The following CTNNA2 variants were observed in gnomAD, a reference collection of about 807,000 sequenced individuals.
CTNNA2 encodes the protein catenin alpha-2.
CTNNA2 carries 42 observed loss-of-function variants against 101.0 expected under a neutral mutation model. The ratio of observed to expected loss-of-function variants is 0.42; its 90% confidence interval spans 0.32 to 0.54. The LOEUF is 0.54. CTNNA2 is among the 20% of genes least tolerant of loss of function. The pLI is 0.14. For missense variants in CTNNA2, 871 were observed against 1,223.1 expected, an observed-to-expected ratio of 0.71 and a Z score of 4.29; for synonymous variants, 450 against 456.4, an observed-to-expected ratio of 0.99 and a Z score of 0.18.
rs140593943 is a variant in CTNNA2, at chr2:79,381,389, A to G, written c.-135+7376A>G. ...TGCCCCAGTCACTGAAAAAATTTTT[A>G]CTTTTGTTACGATTCATACTGTAAT... On this transcript the variant is annotated intron_variant, in intron 4 of 21. Transcript: ENST00000466387. Among the ~76,000 whole-genome samples, 321 of 152,262 alleles carry G rather than the reference A, an allele frequency of 2.1e-3. 1 individual carries two copies. Among genetic ancestry groups the G allele is most frequent in the African/African-American group, 7.4e-3 (306 of 41,554 alleles).
chr2:79,421,407 A>G (rs1267768844), intron 4 of CTNNA2, among the ~76,000 whole-genome samples: 1 of 152,160 alleles, frequency 6.6e-6, no homozygotes, highest in Non-Finnish European at 1.5e-5. Context: ...AAATTATCCG[A>G]AAAGGGCTAG....
chr2:79,496,253 G>A (rs896721626), intron 4 of CTNNA2, among the ~76,000 whole-genome samples: 2 of 151,866 alleles, frequency 1.3e-5, no homozygotes, highest in Admixed American at 6.6e-5. Flanking sequence ...TTTCTTTTTA[G>A]ACTTGTCATA....
chr2:79,409,947 T>C (rs1173298466), intron 4 of CTNNA2, among the ~76,000 whole-genome samples: 1 of 152,138 alleles, frequency 6.6e-6, no homozygotes, highest in Non-Finnish European at 1.5e-5. Context: ...GGAATGTTCT[T>C]CCATGTCTTT....
intron 6 of CTNNA2, among the ~76,000 whole-genome samples, chr2:79,904,733 G>A (rs917789535): frequency 1.3e-5 from 2 of 152,144 alleles, no homozygotes; most frequent in Non-Finnish European, 2.9e-5. Context: ...TACTTGCTTT[G>A]ATGGAGGTCT....
At chr2:80,435,992 A>C (rs528225849) in intron 9 of CTNNA2, among the ~76,000 whole-genome samples, 1 of 152,306 alleles carries the variant, frequency 6.6e-6, no homozygotes, top group South Asian at 2.1e-4. Flanking sequence ...TCTCCTGCTT[A>C]ATTTTTTAAA....
intron 7 of CTNNA2, among the ~76,000 whole-genome samples, chr2:79,966,909 C>G (rs1418266908): frequency 6.6e-6 from 1 of 152,032 alleles, no homozygotes; most frequent in Non-Finnish European, 1.5e-5. Flanking sequence ...GCATTTTTTC[C>G]AGAACCACTT....
chr2:80,251,469 C>T (rs551130903), intron 7 of CTNNA2, among the ~76,000 whole-genome samples: 3 of 152,210 alleles, frequency 2.0e-5, no homozygotes, highest in African/African-American at 7.2e-5. Context: ...AGAGGGGGAC[C>T]TGAATGAAAC....
chr2:80,553,062 CAAA>C (rs34648725), intron 11 of CTNNA2, among the ~76,000 whole-genome samples: 1 of 123,394 alleles, frequency 8.1e-6, no homozygotes, highest in Non-Finnish European at 1.8e-5. Flanking sequence ...ACTAAAAAGA[CAAA>C]AAAAAAAAAA....
chr2:80,354,204 A>G (rs1282631531), intron 7 of CTNNA2, among the ~76,000 whole-genome samples: 1 of 152,174 alleles, frequency 6.6e-6, no homozygotes, highest in South Asian at 2.1e-4. Context: ...ATTGAAAGAA[A>G]CAAATAAGAC....
At chr2:79,282,346 C>T (rs11685216) in intron 2 of CTNNA2, among the ~76,000 whole-genome samples, 77,142 of 151,524 alleles carry the variant, frequency 0.51, 21,544 homozygotes, top group East Asian at 0.7. Flanking sequence ...CATGCTGGTG[C>T]GCTGCACCCA....
At chr2:80,018,301 A>T (rs1694291296) in intron 7 of CTNNA2, among the ~76,000 whole-genome samples, 1 of 152,196 alleles carries the variant, frequency 6.6e-6, no homozygotes, top group Non-Finnish European at 1.5e-5. Flanking sequence ...GCATTATATT[A>T]AAAAAGCCTG....
intron 4 of CTNNA2, among the ~76,000 whole-genome samples, chr2:79,394,707 T>C (rs1198527863): frequency 6.6e-6 from 1 of 152,198 alleles, no homozygotes; most frequent in East Asian, 1.9e-4. Context: ...AGTACACATA[T>C]CCTACCCTTT....
intron 11 of CTNNA2, among the ~76,000 whole-genome samples, chr2:80,548,037 G>A (rs1458076765): frequency 1.3e-5 from 2 of 152,078 alleles, no homozygotes; most frequent in African/African-American, 2.4e-5. Context: ...TGATAGCTGA[G>A]TCCTAATCTT....
chr2:79,512,011 A>G (rs1671557392), upstream of CTNNA2, among the ~76,000 whole-genome samples: 1 of 152,164 alleles, frequency 6.6e-6, no homozygotes, highest in South Asian at 2.1e-4. Context: ...ACAAAACAAA[A>G]TTGTCATTTG....
upstream of CTNNA2, among the ~76,000 whole-genome samples, chr2:79,510,996 C>A (rs4852150): frequency 0.34 from 52,205 of 152,018 alleles, 9,334 homozygotes; most frequent in East Asian, 0.39. Flanking sequence ...ATACATGAAT[C>A]CTTGGAACTT....
chr2:80,459,615 C>T (rs536533609), intron 9 of CTNNA2, among the ~76,000 whole-genome samples: 11 of 152,246 alleles, frequency 7.2e-5, no homozygotes, highest in Admixed American at 4.6e-4. Flanking sequence ...CCCTCATTGC[C>T]TTGATCAGTG....
At chr2:79,895,767 A>G (rs1684669570) in intron 6 of CTNNA2, among the ~76,000 whole-genome samples, 1 of 151,640 alleles carries the variant, frequency 6.6e-6, no homozygotes, top group Admixed American at 6.6e-5. Context: ...TTGGACAGAA[A>G]TGTAACATAT....
intron 3 of CTNNA2, among the ~76,000 whole-genome samples, chr2:79,793,888 G>GCA (rs71385299): frequency 0.064 from 9,076 of 142,462 alleles, 426 homozygotes; most frequent in African/African-American, 0.13. Flanking sequence ...ACACACTCAT[G>GCA]CACACACACA....
intron 7 of CTNNA2, among the ~76,000 whole-genome samples, chr2:80,374,424 G>A (rs1044439246): frequency 1.3e-5 from 2 of 152,192 alleles, no homozygotes; most frequent in African/African-American, 4.8e-5. Flanking sequence ...ATTCCATGGT[G>A]TATATGTAAC....
Sources: allele counts gnomAD v4.1 joint callset (sites outside exome capture counted in the v4.1 genomes callset), GRCh38; gene constraint gnomAD v4.1.1; transcripts MANE v1.5; gene names NCBI Gene and HGNC (gene_info 2026-07-23, HGNC 2026-07-21).